The following CELSR2 variants were observed in gnomAD, a reference collection of about 807,000 sequenced individuals.
CELSR2 encodes the protein cadherin EGF LAG seven-pass G-type receptor 2, also known as EGF-like protein 2.
Under a neutral mutation model 251.6 loss-of-function variants are expected in CELSR2, and 81 were observed. That is an observed-to-expected ratio of 0.32 (90% CI 0.27 to 0.39). CELSR2 has a LOEUF of 0.39. CELSR2 is among the 10% of genes least tolerant of loss of function. The probability of loss-of-function intolerance (pLI) is 1.00; values close to 1 mark genes in which losing one functional copy is unlikely to be tolerated. For missense variants in CELSR2, 3,365 were observed against 3,947.7 expected, an observed-to-expected ratio of 0.85 and a Z score of 3.96; for synonymous variants, 1,721 against 1,670.5, an observed-to-expected ratio of 1.03 and a Z score of -0.74.
chr1:109,256,522 A>C (rs975104632), intron 1 of CELSR2, among the ~76,000 whole-genome samples: 3 of 152,166 alleles, frequency 2.0e-5, no homozygotes, highest in Admixed American at 6.5e-5. Context: ...ACACAGATGC[A>C]GAATTTGTTC....
chr1:109,261,924 G>A lies in CELSR2; in HGVS notation c.4386+28G>A, dbSNP rs1302025408. The stretch of plus-strand genomic sequence containing the variant: ...GGGTGTGGAGGGCACAGAGGGTTGG[G>A]GGTTCTGTTCTTGCCTCAGGTGCTT... On this transcript the variant is annotated intron_variant, in intron 5 of 33. Transcript: ENST00000271332. The surrounding 1 kb of genome is among the most constrained non-coding windows in gnomAD (Gnocchi z 4.8). The A allele has an allele frequency of 6.4e-7, 1 of 1,554,556 alleles. No individual in the cohort carries two copies.
rs1218500891 is a variant in CELSR2, at chr1:109,264,217, A to G, written c.5141A>G (p.His1714Arg). 1.2e-6 allele frequency: 2 copies of G among 1,613,654 alleles called. No homozygotes were observed. Among genetic ancestry groups the G allele is most frequent in the East Asian group, 2.2e-5 (1 of 44,898 alleles). Residue 1714 changes from histidine to arginine, a missense_variant, in exon 10 of 34, where the codon CAT becomes CGT. Physicochemically the swap from His to Arg is conservative, Grantham distance 29. Transcript: ENST00000271332. ...CTGGGAGCCAGCGGGGGGCCCGGCC[A>G]TGCCATTCTGTCCTTCGATTATGGG... ...LALGASGGPG[H>R]AILSFDYGQQ...
rs779835657 is a variant in CELSR2, at chr1:109,271,619, C to T, written c.7823C>T (p.Ser2608Phe). 3.1e-6 allele frequency: 5 copies of T among 1,614,136 alleles called. No homozygotes were observed. The highest frequency in any genetic ancestry group is 1.3e-5 in the African/African-American group (1 of 75,056). ...TGCCAGGGCCCCTTCATCTTCCTCT[C>T]CTATGTGGTGCTTAGCAAGGAGGTC... The part of the protein sequence containing the change: ...NCIQGPFIFL[S>F]YVVLSKEVRK... The change falls in exon 28 of 34, where the codon TCC becomes TTC. Residue 2608 changes from serine to phenylalanine, a missense_variant. By Grantham distance (155) the Ser-to-Phe change is radical (BLOSUM62 -2). This residue lies in a region of CELSR2 where 2,093 missense variants were observed against 2,382.8 expected (regional missense o/e 0.88). Coordinates refer to ENST00000271332, the MANE Select transcript of CELSR2 (RefSeq NM_001408.3).
intron 16 of CELSR2, 84 bp downstream of exon 16, chr1:109,267,726 G>A (rs977349286): frequency 2.6e-6 from 4 of 1,563,002 alleles, no homozygotes; most frequent in Non-Finnish European, 3.5e-6. Flanking sequence ...TGAGAACGGG[G>A]CTTCTGGAAT....
In CELSR2 at chr1:109,265,853, T is replaced by C; in HGVS notation, c.5846T>C (p.Val1949Ala). Residue 1949 changes from valine to alanine, a missense_variant, in exon 14 of 34, where the codon GTC becomes GCC. Transcript: ENST00000271332. Reference sequence around the variant, plus strand: ...GGCCAGTGTCCATGCAAGCCAGGTGTCATCGGGCGTCAGTGTGACCGCTGT... The same window carrying C: ...GGCCAGTGTCCATGCAAGCCAGGTGCCATCGGGCGTCAGTGTGACCGCTGT... The part of the protein sequence containing the change: ...EDGQCPCKPG[V>A]IGRQCDRCDN... 1 of 1,614,100 alleles carries C rather than the reference T, an allele frequency of 6.2e-7. No individual in the cohort carries two copies. The highest frequency in any genetic ancestry group is 8.5e-7 in the Non-Finnish European group (1 of 1,180,008).
chr1:109,270,434 C>T lies in CELSR2; in HGVS notation c.7317C>T (p.Cys2439=). 1 of 1,614,194 alleles carries T rather than the reference C, an allele frequency of 6.2e-7. No individual in the cohort carries two copies. Among genetic ancestry groups the T allele is most frequent in the Non-Finnish European group, 8.5e-7 (1 of 1,180,020 alleles). ...GINQADLPFA[C]TVIAILLHFL... is the part of the protein sequence containing the mutation. Reference sequence around the variant, plus strand: ...CTGGCCTGGGCCCTCAGTTTGCCTGCACAGTCATTGCCATCCTGCTGCACT... The same window carrying T: ...CTGGCCTGGGCCCTCAGTTTGCCTGTACAGTCATTGCCATCCTGCTGCACT... Residue 2439 remains cysteine (C), a synonymous_variant, in exon 24 of 34, where the codon TGC becomes TGT. Coordinates refer to ENST00000271332, the MANE Select transcript of CELSR2 (RefSeq NM_001408.3).
rs370934855 is a variant in CELSR2, at chr1:109,274,081, C to T, written c.*32C>T. 31 of 1,613,878 alleles carry T rather than the reference C, an allele frequency of 1.9e-5. No homozygotes were observed. Among genetic ancestry groups the T allele is most frequent in the Non-Finnish European group, 2.6e-5 (31 of 1,180,000 alleles). On this transcript the variant is annotated 3_prime_UTR_variant, in exon 34 of 34. Transcript: ENST00000271332. ...GCCGTGGTTCCTACGCCCGAGGCTC[C>T]CTTCCCTTCCCCAGCCGCACTCATG...
At chr1:109,268,529 G>A in intron 17 of CELSR2, 52 bp from the exon 18 acceptor site, 1 of 1,545,644 alleles carries the variant, frequency 6.5e-7, no homozygotes, top group Non-Finnish European at 8.7e-7. Flanking sequence ...TCCATGGTGG[G>A]GATGTCAGGT....
intron 1 of CELSR2, 118 bp downstream of exon 1, chr1:109,253,507 C>T: frequency 6.9e-7 from 1 of 1,458,974 alleles, no homozygotes; most frequent in Admixed American, 2.4e-5. Flanking sequence ...CTGCCCAGTG[C>T]CTGGCACAGA....
At chr1:109,271,762 G>A in intron 28 of CELSR2, 40 bp downstream of exon 28, 1 of 1,605,136 alleles carries the variant, frequency 6.2e-7, no homozygotes, top group Non-Finnish European at 8.5e-7. Flanking sequence ...GTGAAGGGAG[G>A]GAGAGGCAGG....
chr1:109,273,638 A>T lies in CELSR2; in HGVS notation c.8712A>T (p.Ala2904=), dbSNP rs535158909. The T allele has an allele frequency of 1.4e-6, 2 of 1,392,634 alleles. No individual in the cohort carries two copies. The highest frequency in any genetic ancestry group is 2.6e-5 in the South Asian group (2 of 77,758). 86.3% of individuals were successfully genotyped at this position (1,392,634 alleles called of 1,614,324 possible). A position where few individuals can be genotyped will look rare whatever the true frequency, so the allele number is the denominator to read the frequency against. Reference sequence around the variant, plus strand: ...TGCCCATCGCCATGAGCATCAAGGCAGGCACGGTGGATGAGGACTCGTCAG... The same window carrying T: ...TGCCCATCGCCATGAGCATCAAGGCTGGCACGGTGGATGAGGACTCGTCAG... ...GVMPIAMSIK[A]GTVDEDSSGS... The change falls in exon 33 of 34, where the codon GCA becomes GCT. Residue 2904 remains alanine (A), a synonymous_variant. Coordinates refer to ENST00000271332, the MANE Select transcript of CELSR2 (RefSeq NM_001408.3).
chr1:109,266,020 G>A (rs1406416540), intron 14 of CELSR2, 85 bp from the exon 15 acceptor site: 3 of 1,585,616 alleles, frequency 1.9e-6, no homozygotes, highest in Non-Finnish European at 1.7e-6. Flanking sequence ...GGGGAGGCCT[G>A]GGGAGGCCTA....
intron 11 of CELSR2, 58 bp downstream of exon 11, chr1:109,264,686 G>T: frequency 6.3e-7 from 1 of 1,590,380 alleles, no homozygotes; most frequent in South Asian, 1.1e-5. Context: ...CCACATGCTG[G>T]CTCTGCTGTG....
In CELSR2 at chr1:109,267,605, A is replaced by G. The variant is rs773774106; in HGVS notation, c.6071A>G (p.Asn2024Ser). The change falls in exon 16 of 34, where the codon AAC (asparagine) becomes AGC (serine). Residue 2024 changes from asparagine (N) to serine (S), a missense_variant. By Grantham distance (46) the Asn-to-Ser change is conservative (BLOSUM62 1). Around this residue, in one of 5 missense-constraint regions of CELSR2, gnomAD observed 2,093 missense variants for 2,382.8 expected, o/e 0.88. Transcript: ENST00000271332. ...HRGWLPPNLF[N>S]CTSITFSELK... is the part of the protein sequence containing the mutation. ...GGGTGGCTCCCCCCAAACCTCTTCA[A>G]CTGCACGTCCATCACCTTCTCAGAA... 1.9e-6 allele frequency: 3 copies of G among 1,614,144 alleles called. No individual in the cohort carries two copies. Among genetic ancestry groups the G allele is most frequent in the East Asian group, 2.2e-5 (1 of 44,872 alleles).
chr1:109,268,370 T>C lies in CELSR2; in HGVS notation c.6319-211T>C, dbSNP rs961471241. ...CAGGCACAGGGCTGGGAAGCTCTTA[T>C]GTAGAGAATGAGGAGGAGGGCTTAG... On this transcript the variant is annotated intron_variant, in intron 17 of 33. Transcript: ENST00000271332. Among the ~76,000 whole-genome samples, 3 of 152,200 alleles carry C rather than the reference T, an allele frequency of 2.0e-5. No homozygotes were observed. In the Middle Eastern group the frequency reaches 0.01, roughly 518 times the overall value.
rs772423624 is a variant in CELSR2 at position 109,270,548 on chromosome 1, C to A, written c.7431C>A (p.Gly2477=). 1 of 1,614,202 alleles carries A rather than the reference C, an allele frequency of 6.2e-7. No homozygotes were observed. Among genetic ancestry groups the A allele is most frequent in the South Asian group, 1.1e-5 (1 of 91,088 alleles). Residue 2477 remains glycine (G), a synonymous_variant, in exon 24 of 34, where the codon GGC becomes GGA. Transcript: ENST00000271332. The stretch of plus-strand genomic sequence containing the variant: ...CTGAGGTGCGCGATGTCAACACCGG[C>A]CCCATGCGCTTCTACTACATGCTGG... ...ALTEVRDVNT[G]PMRFYYMLGW... is the part of the protein sequence containing the mutation.
In CELSR2 at chr1:109,259,014, G is replaced by C; in HGVS notation, c.3893G>C (p.Gly1298Ala). ...EVDLCYSRPC[G>A]PHGRCRSREG... is the part of the protein sequence containing the mutation. ...GACCTCTGCTACTCGCGGCCCTGTG[G>C]CCCCCACGGGCGCTGCCGCAGCCGC... is the stretch of plus-strand genomic sequence containing the variant. Residue 1298 changes from glycine to alanine, a missense_variant, in exon 2 of 34, where the codon GGC (glycine) becomes GCC (alanine). Coordinates refer to ENST00000271332, the MANE Select transcript of CELSR2 (RefSeq NM_001408.3). 6.2e-7 allele frequency: 1 copy of C among 1,602,384 alleles called. No homozygotes were observed. The highest frequency in any genetic ancestry group is 8.5e-7 in the Non-Finnish European group (1 of 1,177,992).
chr1:109,254,567 C>T (rs568901403), intron 1 of CELSR2, among the ~76,000 whole-genome samples: 1 of 152,274 alleles, frequency 6.6e-6, no homozygotes, highest in East Asian at 1.9e-4. Flanking sequence ...GTTAGCTGCA[C>T]CCCAGGGGTG....
Position 109,264,156 on chromosome 1 carries a change from G to A in CELSR2, c.5080G>A (p.Ala1694Thr). The change falls in exon 10 of 34, where the codon GCC becomes ACC. Residue 1694 changes from alanine to threonine, a missense_variant. This residue lies in a region of CELSR2 where 2,093 missense variants were observed against 2,382.8 expected (regional missense o/e 0.88). Transcript: ENST00000271332. ...ASSLRLEPGR[A>T]NDGDWHHAQL... ...CTCTCTCCGTCTGGAGCCAGGCCGG[G>A]CCAATGACGGTGACTGGCACCATGC... The A allele has an allele frequency of 6.2e-7, 1 of 1,610,352 alleles. No individual in the cohort carries two copies.
Sources: gnomAD v4.1 joint callset for allele counts (sites outside exome capture counted in the v4.1 genomes callset) on GRCh38, gnomAD v4.1.1 for gene constraint, gnomAD v4.1.1 regional missense constraint, Gnocchi (gnomAD v3.1) non-coding constraint, MANE v1.5 for transcripts, NCBI Gene and HGNC (gene_info 2026-07-23, HGNC 2026-07-21) for gene names.